NCL: variants seen among roughly 807,000 people sequenced by gnomAD.
NCL encodes the protein nucleolin multifunctional protein.
Under a neutral mutation model 77.7 loss-of-function variants are expected in NCL, and 4 were observed. That is an observed-to-expected ratio of 0.05 (90% CI 0.03 to 0.12). NCL has a LOEUF of 0.12. Among genes scored for constraint, NCL ranks in the 10% least tolerant of loss-of-function variants. NCL has a pLI of 1.00. For missense variants in NCL, 763 were observed against 860.9 expected (o/e 0.89, Z 1.42); for synonymous variants, 344 against 297.8 (o/e 1.16, Z -1.60).
intron 2 of NCL, chr2:231,462,477 T>C (rs534414981): frequency 1.9e-5 from 9 of 466,698 alleles, no homozygotes; most frequent in Non-Finnish European, 3.0e-5. Flanking sequence ...TCTTAGGACC[T>C]GAGACAAAAA....
rs760076638 is a variant in NCL at position 231,459,103 on chromosome 2, C to T, written c.1063G>A (p.Glu355Lys). 4 of 1,584,150 alleles carry T rather than the reference C, an allele frequency of 2.5e-6. No homozygotes were observed. Among genetic ancestry groups the T allele is most frequent in the Admixed American group, 3.9e-5 (2 of 51,628 alleles). Residue 355 changes from glutamate to lysine, a missense_variant, in exon 7 of 14, where the codon GAA (glutamate) becomes AAA (lysine). Glu to Lys is a moderately conservative substitution (Grantham distance 56). This residue lies in a region of NCL where 590 missense variants were observed against 570.5 expected (regional missense o/e 1.03). Transcript: ENST00000322723. ...GCTTTCTCCAGGTCTTCAGCAGATT[C>T]AAAATCCACATAACCAAATTTCCTT... ...MTRKFGYVDF[E>K]SAEDLEKALE... is the part of the protein sequence containing the mutation.
chr2:231,457,105 A>G lies in NCL; in HGVS notation c.1467T>C (p.Val489=). Residue 489 remains valine, a synonymous_variant, in exon 10 of 14, where the codon GTT becomes GTC. Coordinates refer to ENST00000322723, the MANE Select transcript of NCL (RefSeq NM_005381.3). ...STWSGESKTL[V]LSNLSYSATE... ...TTGCACTGTAGGAGAGGTTGCTTAA[A>G]ACCAGAGTTTTTGATTCACCTGCAA... is the stretch of plus-strand genomic sequence containing the variant. 6.2e-7 allele frequency: 1 copy of G among 1,613,800 alleles called. No individual in the cohort carries two copies. Among genetic ancestry groups the G allele is most frequent in the Non-Finnish European group, 8.5e-7 (1 of 1,179,916 alleles).
chr2:231,463,625 G>C (rs939982541), intron 1 of NCL: 7 of 328,450 alleles, frequency 2.1e-5, no homozygotes, highest in Admixed American at 2.0e-4. Context: ...TACAAATCCC[G>C]GTACTTTATT....
chr2:231,456,189 G>T, intron 11 of NCL, 53 bp from the exon 12 acceptor site: 1 of 1,607,074 alleles, frequency 6.2e-7, no homozygotes, highest in Non-Finnish European at 8.5e-7. Context: ...TCGTAACACT[G>T]AATTTGCACA....
chr2:231,455,284 AGAC>A lies in NCL; in HGVS notation c.2057-20_2057-18del. On this transcript the variant is annotated intron_variant, in intron 13 of 13. Transcript: ENST00000322723. ...CTCCTCGCCCTACAGGAGGAAGGCAAGACACTGTTAAAAGAATGGGTACAAAGC... is the reference window on the plus strand; with the variant it reads ...CTCCTCGCCCTACAGGAGGAAGGCAAACTGTTAAAAGAATGGGTACAAAGC... 1 of 1,614,066 alleles carries A rather than the reference AGAC, an allele frequency of 6.2e-7. No individual in the cohort carries two copies. Among genetic ancestry groups the A allele is most frequent in the Non-Finnish European group, 8.5e-7 (1 of 1,179,996 alleles).
rs999472159 is a variant in NCL, at chr2:231,462,044, G to A, written c.136-27C>T. On this transcript the variant is annotated intron_variant, in intron 2 of 13. Coordinates refer to ENST00000322723, the MANE Select transcript of NCL (RefSeq NM_005381.3). ...TTGAGAATAAATGAAAACCAAACCA[G>A]TAAGTCCAGCCCCACACCCAAAAAG... 1.9e-6 allele frequency: 3 copies of A among 1,611,276 alleles called. No homozygotes were observed. The East Asian group carries it at 6.7e-5, about 36-fold the overall frequency.
In NCL at chr2:231,454,533, C is replaced by A. The variant is rs1325708495; in HGVS notation, c.*658G>T. 1.3e-5 allele frequency: 2 copies of A among 152,656 alleles called. No homozygotes were observed. The highest frequency in any genetic ancestry group is 4.8e-5 in the African/African-American group (2 of 41,454). The allele number at this position is 152,656 out of a possible 1,614,324, so 9.5% of individuals were successfully genotyped here. On this transcript the variant is annotated 3_prime_UTR_variant, in exon 14 of 14. Transcript: ENST00000322723. ...CTTCAGGACATAATCCTCAGACCTG[C>A]TAAAAGTAGGAGAAGCTGCAGCAGC...
At chr2:231,457,442 T>A (rs1158437602) in intron 9 of NCL, 2 of 757,090 alleles carry the variant, frequency 2.6e-6, no homozygotes, top group Admixed American at 2.2e-5. Context: ...TGTATTCCAA[T>A]GCAAAATGAT....
chr2:231,456,585 CGA>C (rs778218533), intron 11 of NCL, 44 bp downstream of exon 11: 17 of 1,610,760 alleles, frequency 1.1e-5, no homozygotes, highest in South Asian at 2.2e-5. Context: ...AACAAAGCAC[CGA>C]GAGTGCTACC....
chr2:231,459,860 T>C (rs1471118921), intron 6 of NCL, among the ~76,000 whole-genome samples: 5 of 151,856 alleles, frequency 3.3e-5, no homozygotes, highest in African/African-American at 7.2e-5. Context: ...TGAGCCAAGA[T>C]TGCGCCACTG....
chr2:231,464,103 G>A (rs1263745580), intron 1 of NCL: 8 of 1,363,712 alleles, frequency 5.9e-6, no homozygotes, highest in Admixed American at 3.0e-5. Context: ...CCCGCGCTCA[G>A]TGACTCTGTC....
chr2:231,458,922 A>G, intron 7 of NCL, 79 bp downstream of exon 7: 2 of 1,364,862 alleles, frequency 1.5e-6, no homozygotes, highest in Non-Finnish European at 1.9e-6. Context: ...GAGGAAACCA[A>G]GGGAAATGGG....
At chr2:231,455,687 T>G in intron 12 of NCL, 63 bp from the exon 13 acceptor site, 1 of 1,520,368 alleles carries the variant, frequency 6.6e-7, no homozygotes, top group Non-Finnish European at 9.1e-7. Flanking sequence ...CCAAGTTAAC[T>G]GTACATGCTG....
In NCL at chr2:231,455,072, A is replaced by AC. The variant is rs1575257175; in HGVS notation, c.*118dup. 8 of 1,063,906 alleles carry AC rather than the reference A, an allele frequency of 7.5e-6. No homozygotes were observed. In the East Asian group the frequency reaches 1.9e-4, roughly 25 times the overall value. The allele number at this position is 1,063,906 out of a possible 1,614,324, so 65.9% of individuals were successfully genotyped here. A position where few individuals can be genotyped will look rare whatever the true frequency, so the allele number is the denominator to read the frequency against. ...GTTAACTAGACGGATTTCCAAGGAG[A>AC]CCACAGGACTGTATACTGTCTTGGA... On this transcript the variant is annotated 3_prime_UTR_variant, in exon 14 of 14. Transcript: ENST00000322723.
chr2:231,459,823 C>T (rs556640647), intron 6 of NCL, among the ~76,000 whole-genome samples: 1 of 151,724 alleles, frequency 6.6e-6, no homozygotes, highest in African/African-American at 2.4e-5. Flanking sequence ...AGGAGAATCG[C>T]TTGAACCCGG....
Position 231,461,593 on chromosome 2 carries a change from T to C in NCL, c.560A>G (p.Glu187Gly). 2.5e-6 allele frequency: 4 copies of C among 1,610,998 alleles called. No homozygotes were observed. Among genetic ancestry groups the C allele is most frequent in the Non-Finnish European group, 3.4e-6 (4 of 1,177,108 alleles). ...AAAAAPASEDEDDEDDEDDED... is the reference protein window; with the variant it reads ...AAAAAPASEDGDDEDDEDDED... ...ATCATCTTCGTCATCCTCATCGTCC[T>C]CATCCTCTGAGGCAGGGGCAGCAGC... Residue 187 changes from glutamate to glycine, a missense_variant, in exon 3 of 14, where the codon GAG becomes GGG. Physicochemically the swap from Glu to Gly is moderately conservative, Grantham distance 98. Around this residue, in one of 2 missense-constraint regions of NCL, gnomAD observed 590 missense variants for 570.5 expected, o/e 1.03. Transcript: ENST00000322723.
chr2:231,457,259 A>G, intron 9 of NCL, 135 bp from the exon 10 acceptor site: 1 of 1,256,592 alleles, frequency 8.0e-7, no homozygotes, highest in South Asian at 1.2e-5. Flanking sequence ...AGCTAAATCC[A>G]TTTCTGTTAC....
intron 1 of NCL, 116 bp from the exon 2 acceptor site, chr2:231,463,432 G>A: frequency 2.6e-6 from 2 of 757,706 alleles, no homozygotes; most frequent in Non-Finnish European, 4.7e-6. Context: ...TTCTCATAGT[G>A]CCAAACACCA....
rs1285283730 is a variant in NCL, at chr2:231,460,716, T to C, written c.764A>G (p.Asp255Gly). The C allele has an allele frequency of 1.2e-6, 2 of 1,611,988 alleles. No homozygotes were observed. Among genetic ancestry groups the C allele is most frequent in the Non-Finnish European group, 1.7e-6 (2 of 1,178,232 alleles). Reference sequence around the variant, plus strand: ...CTCCTCATCATCTTCATCATCATCATCTTCATCATCTTCGTCGTCGTCGTC... The same window carrying C: ...CTCCTCATCATCTTCATCATCATCACCTTCATCATCTTCGTCGTCGTCGTC... ...EDDDDDEDDE[D>G]DDDEDDEEEE... The change falls in exon 4 of 14, where the codon GAT (aspartate) becomes GGT (glycine). Residue 255 changes from aspartate to glycine, a missense_variant. By Grantham distance (94) the Asp-to-Gly change is moderately conservative. Coordinates refer to ENST00000322723, the MANE Select transcript of NCL (RefSeq NM_005381.3).
Sources: allele counts gnomAD v4.1 joint callset (sites outside exome capture counted in the v4.1 genomes callset), GRCh38; gene constraint gnomAD v4.1.1; regional missense constraint gnomAD v4.1.1; transcripts MANE v1.5; gene names NCBI Gene and HGNC (gene_info 2026-07-23, HGNC 2026-07-21).